The following PNPLA1 variants were observed in gnomAD, a reference collection of about 807,000 sequenced individuals.
PNPLA1 encodes patatin like domain 1, omega-hydroxyceramide transacylase.
A neutral mutation model predicts 51.7 loss-of-function variants in PNPLA1; 36 were observed. The observed-to-expected ratio is 0.70, with a 90% CI of 0.53 to 0.92. PNPLA1 has a LOEUF of 0.92. PNPLA1 is among the 40% of genes least tolerant of loss of function. The pLI, the probability that PNPLA1 is intolerant of heterozygous loss-of-function variation, is 0.00. For missense variants in PNPLA1, 658 were observed against 682.5 expected, an observed-to-expected ratio of 0.96 and a Z score of 0.40; for synonymous variants, 293 against 280.1, an observed-to-expected ratio of 1.05 and a Z score of -0.46.
Position 36,312,513 on chromosome 6 carries a change from G to A in PNPLA1, c.*627G>A, listed in dbSNP as rs1050568063. Among the ~76,000 whole-genome samples the A allele has an allele frequency of 7.2e-5, 11 of 152,124 alleles. No individual in the cohort carries two copies. The highest frequency in any genetic ancestry group is 3.2e-3 in the Middle Eastern group (1 of 316). On this transcript the variant is annotated 3_prime_UTR_variant, in exon 9 of 9. Coordinates refer to ENST00000636260, the MANE Select transcript of PNPLA1 (RefSeq NM_001374623.1). ...GTATGAACCTGTAAGGGTGATCCCC[G>A]GTGGAACTAAGGTTAGGGAAGTCCT... is the stretch of plus-strand genomic sequence containing the variant.
chr6:36,243,291 G>A (rs927629425), intron 1 of PNPLA1: 1 of 152,234 alleles, frequency 6.6e-6, no homozygotes, highest in Non-Finnish European at 1.5e-5. Flanking sequence ...GTGGGAAAAT[G>A]TTCATGAATG....
At chr6:36,272,185 A>T (rs764809318) in intron 1 of PNPLA1, among the ~76,000 whole-genome samples, 1 of 152,184 alleles carries the variant, frequency 6.6e-6, no homozygotes, top group Non-Finnish European at 1.5e-5. Context: ...CAGAGCCCTG[A>T]GCTTGTTTTC....
chr6:36,252,560 C>A (rs974306566), intron 1 of PNPLA1, among the ~76,000 whole-genome samples: 1 of 144,938 alleles, frequency 6.9e-6, no homozygotes, highest in Non-Finnish European at 1.5e-5. Flanking sequence ...AAAAAAAAAA[C>A]CCAGGCACTG....
Position 36,270,632 on chromosome 6 carries a change from T to C in PNPLA1, c.173T>C (p.Ile58Thr). ...RFAGTSAGAV[I>T]AALAICGIEM... is the part of the protein sequence containing the mutation. ...GCGGGGACATCGGCAGGTGCTGTGA[T>C]CGCCGCCCTGGCCATCTGCGGGATT... Residue 58 changes from isoleucine to threonine, a missense_variant, in exon 1 of 9, where the codon ATC becomes ACC. Physicochemically the swap from Ile to Thr is moderately conservative, Grantham distance 89. Coordinates refer to ENST00000636260, the MANE Select transcript of PNPLA1 (RefSeq NM_001374623.1). 1 of 1,551,254 alleles carries C rather than the reference T, an allele frequency of 6.4e-7. No individual in the cohort carries two copies. The highest frequency in any genetic ancestry group is 2.4e-5 in the East Asian group (1 of 40,922).
intron 1 of PNPLA1, among the ~76,000 whole-genome samples, chr6:36,244,904 G>A (rs551789002): frequency 3.3e-4 from 51 of 152,356 alleles, no homozygotes; most frequent in African/African-American, 1.2e-3. Flanking sequence ...GAATCGGGCA[G>A]CTCATGCTTA....
chr6:36,268,655 A>G (rs1018090005), upstream of PNPLA1, among the ~76,000 whole-genome samples: 39 of 152,190 alleles, frequency 2.6e-4, no homozygotes, highest in African/African-American at 8.2e-4. Context: ...TCTGGCAGGA[A>G]TCTCAGCCCT....
intron 3 of PNPLA1, 113 bp downstream of exon 3, chr6:36,293,239 G>A: frequency 9.7e-7 from 1 of 1,033,966 alleles, no homozygotes; most frequent in Non-Finnish European, 1.5e-6. Context: ...GGAGGACCTA[G>A]AGTTGGAGAG....
intron 1 of PNPLA1, among the ~76,000 whole-genome samples, chr6:36,274,030 C>T (rs1368217205): frequency 6.6e-6 from 1 of 152,154 alleles, no homozygotes; most frequent in Non-Finnish European, 1.5e-5. Context: ...AATGTCACTC[C>T]AGTCTAGTTC....
Position 36,294,469 on chromosome 6 carries a change from T to TG in PNPLA1, c.714+74dup. On this transcript the variant is annotated intron_variant, in intron 4 of 8. Coordinates refer to ENST00000636260, the MANE Select transcript of PNPLA1 (RefSeq NM_001374623.1). The surrounding 1 kb of genome is among the most constrained non-coding windows in gnomAD (Gnocchi z 4.2). ...ACTAGGGGTGGGGTTAGAGAGCCACTGGGGCCCACTCAAGTTCCATCTGAG... is the reference window on the plus strand; with the variant it reads ...ACTAGGGGTGGGGTTAGAGAGCCACTGGGGGCCCACTCAAGTTCCATCTGAG... 1 of 1,432,266 alleles carries TG rather than the reference T, an allele frequency of 7.0e-7. No homozygotes were observed. Among genetic ancestry groups the TG allele is most frequent in the Non-Finnish European group, 9.7e-7 (1 of 1,029,404 alleles). The allele number at this position is 1,432,266 out of a possible 1,614,324, so 88.7% of individuals were successfully genotyped here.
At chr6:36,306,215 T>C in intron 6 of PNPLA1, 77 bp from the exon 7 acceptor site, 1 of 1,034,498 alleles carries the variant, frequency 9.7e-7, no homozygotes, top group Non-Finnish European at 1.4e-6. Context: ...TCTCATTTAC[T>C]GACTATTGCT....
At chr6:36,260,366 T>C (rs1169418154) in intron 1 of PNPLA1, among the ~76,000 whole-genome samples, 1 of 152,122 alleles carries the variant, frequency 6.6e-6, no homozygotes, top group Non-Finnish European at 1.5e-5. Flanking sequence ...ACCTTACAAC[T>C]TGGGGGGAAA....
At chr6:36,248,540 G>A (rs75705273) in intron 1 of PNPLA1, among the ~76,000 whole-genome samples, 1 of 120,928 alleles carries the variant, frequency 8.3e-6, no homozygotes, top group Non-Finnish European at 1.7e-5. Context: ...TTTTTTTTTT[G>A]AGACGGAGTC....
intron 1 of PNPLA1, among the ~76,000 whole-genome samples, chr6:36,252,686 C>T (rs902449977): frequency 2.0e-5 from 3 of 152,126 alleles, no homozygotes; most frequent in African/African-American, 7.2e-5. Context: ...GCTGAGGACT[C>T]AGGGGAAGCC....
chr6:36,287,457 T>A (rs529115110), intron 1 of PNPLA1, among the ~76,000 whole-genome samples: 29 of 152,116 alleles, frequency 1.9e-4, no homozygotes, highest in Non-Finnish European at 4.1e-4. Flanking sequence ...CGGTGCTGCT[T>A]CTAATAACCT....
At chr6:36,290,654 C>T (rs79764119) in intron 1 of PNPLA1, among the ~76,000 whole-genome samples, 18,998 of 152,156 alleles carry the variant, frequency 0.12, 1,438 homozygotes, top group Admixed American at 0.23. Flanking sequence ...CTGCCACCCC[C>T]GAATAGCGCA....
At chr6:36,258,780 G>A (rs143215726) in intron 1 of PNPLA1, among the ~76,000 whole-genome samples, 1 of 152,224 alleles carries the variant, frequency 6.6e-6, no homozygotes, top group East Asian at 1.9e-4. Flanking sequence ...CAGGAAGAAA[G>A]GGACCAGAAT....
intron 6 of PNPLA1, among the ~76,000 whole-genome samples, chr6:36,303,564 A>C (rs1301241195): frequency 6.6e-6 from 1 of 152,084 alleles, no homozygotes; most frequent in Non-Finnish European, 1.5e-5. Context: ...GGGTGTGGTC[A>C]CTCACACCTG....
At chr6:36,306,497 T>C (rs560871305) in intron 7 of PNPLA1, 121 bp downstream of exon 7, 3 of 828,054 alleles carry the variant, frequency 3.6e-6, no homozygotes, top group South Asian at 3.5e-5. Context: ...CTGGTGTGTG[T>C]GATTGTGTGA....
chr6:36,257,116 C>T (rs367920546), intron 1 of PNPLA1, among the ~76,000 whole-genome samples: 5 of 152,166 alleles, frequency 3.3e-5, no homozygotes, highest in African/African-American at 1.2e-4. Flanking sequence ...AGGGGATTCA[C>T]AACAATTTAA....
Sources: gnomAD v4.1 joint callset for allele counts (sites outside exome capture counted in the v4.1 genomes callset) on GRCh38, gnomAD v4.1.1 for gene constraint, Gnocchi (gnomAD v3.1) non-coding constraint, MANE v1.5 for transcripts, NCBI Gene and HGNC (gene_info 2026-07-23, HGNC 2026-07-21) for gene names.